The following PARP8 variants were observed in gnomAD, a reference collection of about 807,000 sequenced individuals.
The protein encoded by PARP8 is protein mono-ADP-ribosyltransferase PARP8.
Under a neutral mutation model 124.1 loss-of-function variants are expected in PARP8, and 51 were observed. The ratio of observed to expected loss-of-function variants is 0.41; its 90% CI spans 0.33 to 0.52. The LOEUF is 0.52. PARP8 is among the 20% of genes least tolerant of loss of function. The pLI, the probability that PARP8 is intolerant of heterozygous loss-of-function variation, is 0.21. For missense variants in PARP8, 860 were observed against 1,018.9 expected, an observed-to-expected ratio of 0.84 and a Z score of 2.12; for synonymous variants, 391 against 361.5, an observed-to-expected ratio of 1.08 and a Z score of -0.93.
chr5:50,792,447 A>G lies in PARP8; in HGVS notation c.738-1760A>G, dbSNP rs554791559. On this transcript the variant is annotated intron_variant, in intron 10 of 25. Coordinates refer to ENST00000281631, the MANE Select transcript of PARP8 (RefSeq NM_024615.4). ...CACACTTTGAATCCTAATGTAATAT[A>G]TAAGTGGGAAAATTTTTAGCCATTT... 1.0e-3 allele frequency among the ~76,000 whole-genome samples: 157 copies of G among 151,976 alleles called. 1 individual carries two copies. Among genetic ancestry groups the G allele is most frequent in the African/African-American group, 3.7e-3 (154 of 41,530 alleles).
intron 8 of PARP8, 121 bp downstream of exon 8, chr5:50,778,250 G>A (rs1740262281): frequency 1.3e-5 from 10 of 754,966 alleles, no homozygotes. Flanking sequence ...TGACTGTTAA[G>A]GTGCTTTGTG....
rs139762394 is a variant in PARP8, at chr5:50,841,029, C to G, written c.2463-937C>G. Reference sequence around the variant, plus strand: ...TGGATTACATAAGGAGCCAAGTTCTCTCTGCTGTATGTCATCTTTTCATTT... The same window carrying G: ...TGGATTACATAAGGAGCCAAGTTCTGTCTGCTGTATGTCATCTTTTCATTT... On this transcript the variant is annotated intron_variant, in intron 25 of 25. Transcript: ENST00000281631. Among the ~76,000 whole-genome samples, 21 of 151,976 alleles carry G rather than the reference C, an allele frequency of 1.4e-4. No homozygotes were observed. In the East Asian group the frequency reaches 3.9e-3, roughly 28 times the overall value.
intron 17 of PARP8, among the ~76,000 whole-genome samples, chr5:50,823,474 G>T (rs1378524586): frequency 6.6e-6 from 1 of 151,902 alleles, no homozygotes; most frequent in Non-Finnish European, 1.5e-5. Flanking sequence ...CATCCCTTTG[G>T]GTTATTTTTC....
intron 6 of PARP8, among the ~76,000 whole-genome samples, 186 bp downstream of exon 6, chr5:50,762,084 C>CA (rs1580248364): frequency 6.6e-6 from 1 of 152,250 alleles, no homozygotes; most frequent in East Asian, 1.9e-4. Context: ...GGTTCCCCTG[C>CA]AGTCCTTTCA....
intron 2 of PARP8, among the ~76,000 whole-genome samples, chr5:50,749,394 A>C (rs1394375768): frequency 3.3e-5 from 5 of 152,144 alleles, no homozygotes; most frequent in African/African-American, 1.2e-4. Context: ...TGACACTGCA[A>C]ATATAAATAG....
In PARP8 at chr5:50,707,796, T is replaced by C. The variant is rs1326901448; in HGVS notation, c.146+39671T>C. On this transcript the variant is annotated intron_variant, in intron 2 of 25. Transcript: ENST00000281631. ...ATTTGATTACAAAACCAAACAGTAC[T>C]AAGAGTCTTATATCAACCTTATTTA... Among the ~76,000 whole-genome samples the C allele has an allele frequency of 6.6e-5, 10 of 152,122 alleles. 1 individual carries two copies. The highest frequency in any genetic ancestry group is 2.0e-4 in the Admixed American group (3 of 15,256).
intron 2 of PARP8, among the ~76,000 whole-genome samples, chr5:50,733,879 T>C (rs1757228263): frequency 6.6e-6 from 1 of 152,166 alleles, no homozygotes; most frequent in South Asian, 2.1e-4. Flanking sequence ...TCTCTACTAC[T>C]TACTTGTTTC....
chr5:50,672,837 A>T (rs906466956), intron 2 of PARP8, among the ~76,000 whole-genome samples: 19 of 152,086 alleles, frequency 1.2e-4, no homozygotes, highest in African/African-American at 4.6e-4. Context: ...AGAAAGGAGA[A>T]GTGTATGTGT....
chr5:50,785,603 A>G (rs1741161394), intron 9 of PARP8, among the ~76,000 whole-genome samples: 1 of 152,132 alleles, frequency 6.6e-6, no homozygotes. Context: ...TCACTTTTGA[A>G]TTTTGATAGC....
rs750475717 is a variant in PARP8, at chr5:50,826,819, T to C, written c.1977+16T>C. 1 of 1,592,042 alleles carries C rather than the reference T, an allele frequency of 6.3e-7. No individual in the cohort carries two copies. The highest frequency in any genetic ancestry group is 8.5e-7 in the Non-Finnish European group (1 of 1,173,356). On this transcript the variant is annotated intron_variant, in intron 19 of 25. Coordinates refer to ENST00000281631, the MANE Select transcript of PARP8 (RefSeq NM_024615.4). ...AGTTAACAGGGTAAGTTGTTTTTTTTTTTTTTACATATGCATACAGAAATG... is the reference window on the plus strand; with the variant it reads ...AGTTAACAGGGTAAGTTGTTTTTTTCTTTTTTACATATGCATACAGAAATG...
At chr5:50,827,078 T>C (rs1001807575) in intron 19 of PARP8, among the ~76,000 whole-genome samples, 1 of 152,140 alleles carries the variant, frequency 6.6e-6, no homozygotes, top group African/African-American at 2.4e-5. Context: ...TTGAAAAATA[T>C]TATATGGAGA....
At chr5:50,837,215 G>T (rs1025555329) in intron 25 of PARP8, among the ~76,000 whole-genome samples, 1 of 152,056 alleles carries the variant, frequency 6.6e-6, no homozygotes, top group African/African-American at 2.4e-5. Context: ...TAAGATAATT[G>T]TCATTGCTTT....
chr5:50,705,266 A>G (rs1754015588), intron 2 of PARP8, among the ~76,000 whole-genome samples: 1 of 152,242 alleles, frequency 6.6e-6, no homozygotes, highest in African/African-American at 2.4e-5. Flanking sequence ...TTTCTGTAAT[A>G]TCTGGCTCTG....
rs969007825 is a variant in PARP8 at position 50,844,394 on chromosome 5, T to G, written c.*2326T>G. The G allele has an allele frequency of 6.6e-6, 1 of 151,758 alleles. No homozygotes were observed. Among genetic ancestry groups the G allele is most frequent in the African/African-American group, 2.4e-5 (1 of 41,382 alleles). The allele number at this position is 151,758 out of a possible 1,614,324, so 9.4% of individuals were successfully genotyped here. On this transcript the variant is annotated 3_prime_UTR_variant, in exon 26 of 26. Transcript: ENST00000281631. Reference sequence around the variant, plus strand: ...TTGAAATTAGGGATACTATAATAACTGATAAAGATGAATTTCTGTGTTTCT... The same window carrying G: ...TTGAAATTAGGGATACTATAATAACGGATAAAGATGAATTTCTGTGTTTCT...
At chr5:50,733,806 A>T (rs1052217630) in intron 2 of PARP8, among the ~76,000 whole-genome samples, 8 of 152,078 alleles carry the variant, frequency 5.3e-5, no homozygotes, top group Admixed American at 4.6e-4. Context: ...CCTTCTTACC[A>T]AGCCAGATTC....
Position 50,834,952 on chromosome 5 carries a change from A to G in PARP8, c.2399A>G (p.His800Arg). The G allele has an allele frequency of 6.2e-7, 1 of 1,613,466 alleles. No individual in the cohort carries two copies. The highest frequency in any genetic ancestry group is 1.3e-5 in the African/African-American group (1 of 75,008). Residue 800 changes from histidine (H) to arginine (R), a missense_variant, in exon 25 of 26, where the codon CAC becomes CGC. By Grantham distance (29) the His-to-Arg change is conservative. Around this residue, in one of 2 missense-constraint regions of PARP8, gnomAD observed 343 missense variants for 474.7 expected, o/e 0.72. Coordinates refer to ENST00000281631, the MANE Select transcript of PARP8 (RefSeq NM_024615.4). ...LCEVITSSDL[H>R]KHGEIWVVPN... The stretch of plus-strand genomic sequence containing the variant: ...ACAGTGATCACCTCATCTGACCTGC[A>G]CAAACATGGAGAGATATGGGTTGTC...
At position 50,700,149 on chromosome 5, in the gene PARP8, C is replaced by G. The variant is rs1319813710; in HGVS notation, c.146+32024C>G. ...CTTAAATCATTACTTGTCCTCTTTCCTTTATACCAAGGCCCAGAAGTGCCA... is the reference window on the plus strand; with the variant it reads ...CTTAAATCATTACTTGTCCTCTTTCGTTTATACCAAGGCCCAGAAGTGCCA... On this transcript the variant is annotated intron_variant, in intron 2 of 25. Transcript: ENST00000281631. 3.3e-5 allele frequency among the ~76,000 whole-genome samples: 5 copies of G among 152,064 alleles called. No homozygotes were observed. The South Asian group carries it at 1.0e-3, about 32-fold the overall frequency.
intron 15 of PARP8, among the ~76,000 whole-genome samples, chr5:50,820,927 T>G (rs1196140098): frequency 1.3e-5 from 2 of 152,262 alleles, no homozygotes. Flanking sequence ...CTTGTCTGTC[T>G]TGTGCCTTGT....
At chr5:50,765,273 A>G (rs1423065889) in intron 7 of PARP8, among the ~76,000 whole-genome samples, 1 of 152,084 alleles carries the variant, frequency 6.6e-6, no homozygotes, top group Non-Finnish European at 1.5e-5. Flanking sequence ...AAAAAAAAAA[A>G]GAAAGAAATA....
Sources: gnomAD v4.1 joint callset for allele counts (sites outside exome capture counted in the v4.1 genomes callset) on GRCh38, gnomAD v4.1.1 for gene constraint, gnomAD v4.1.1 regional missense constraint, MANE v1.5 for transcripts, NCBI Gene and HGNC (gene_info 2026-07-23, HGNC 2026-07-21) for gene names.